TMEM255A: variants seen among roughly 807,000 people sequenced by gnomAD.
The protein encoded by TMEM255A is family with sequence similarity 70, member A.
Under a neutral mutation model 23.5 loss-of-function variants are expected in TMEM255A, and 14 were observed. That is an observed-to-expected ratio of 0.60 (90% CI 0.39 to 0.93). The LOEUF (loss-of-function observed/expected upper bound fraction) is 0.93. TMEM255A is among the 40% of genes least tolerant of loss of function. The probability of loss-of-function intolerance (pLI) is 0.00; values close to 1 mark genes in which losing one functional copy is unlikely to be tolerated. For synonymous variants in TMEM255A, 104 were observed against 100.3 expected, an observed-to-expected ratio of 1.04 and a Z score of -0.22; for missense variants, 233 against 261.7, an observed-to-expected ratio of 0.89 and a Z score of 0.76.
At chrX:120,297,452 C>T (rs1262333846) in intron 2 of TMEM255A, among the ~76,000 whole-genome samples, 1 of 107,889 alleles carries the variant, frequency 9.3e-6, no homozygotes, top group Admixed American at 1.0e-4. Context: ...GGAACTAATA[C>T]GTATTGAGTC....
At chrX:120,289,761 G>A (rs2057901468) in intron 4 of TMEM255A, among the ~76,000 whole-genome samples, 1 of 112,091 alleles carries the variant, frequency 8.9e-6, no homozygotes, top group African/African-American at 3.2e-5. Flanking sequence ...TAACCAAAAA[G>A]TGGAAACAAC....
At chrX:120,297,685 G>A (rs2147214365) in intron 2 of TMEM255A, among the ~76,000 whole-genome samples, 1 of 111,232 alleles carries the variant, frequency 9.0e-6, no homozygotes, top group South Asian at 3.8e-4. Flanking sequence ...CTTATAGCAA[G>A]TTAATGGTAG....
downstream of TMEM255A, chrX:120,258,121 T>C (rs1278121696): frequency 2.4e-5 from 3 of 123,125 alleles, no homozygotes; most frequent in Admixed American, 1.9e-4. Context: ...GCCGCATTTT[T>C]CCCCCATTGT....
intron 1 of TMEM255A, chrX:120,310,188 G>C (rs1353424930): frequency 5.4e-5 from 6 of 112,139 alleles, no homozygotes; most frequent in Non-Finnish European, 1.1e-4. Context: ...AATTCGATTT[G>C]ATTGAAGTGT....
chrX:120,262,086 T>C (rs1323673746), intron 8 of TMEM255A, among the ~76,000 whole-genome samples: 1 of 111,427 alleles, frequency 9.0e-6, no homozygotes, highest in African/African-American at 3.3e-5. Context: ...GGTCAGGAGT[T>C]TGAGACCAGC....
chrX:120,311,285 G>T lies in TMEM255A; in HGVS notation c.25C>A (p.Arg9=). Residue 9 remains arginine (R), a synonymous_variant, in exon 1 of 9, where the codon CGG becomes AGG. Coordinates refer to ENST00000371369, the MANE Select transcript of TMEM255A (RefSeq NM_001104544.3). The part of the protein sequence containing the change: MHQSLTQQ[R]SSDMSLPDSM... Reference sequence around the variant, plus strand: ...TCGGGCAGGGACATGTCGCTGGACCGCTGCTGAGTCAGGGACTGATGCATG... The same window carrying T: ...TCGGGCAGGGACATGTCGCTGGACCTCTGCTGAGTCAGGGACTGATGCATG... 1.7e-6 allele frequency: 2 copies of T among 1,184,622 alleles called. No individual in the cohort carries two copies. Among genetic ancestry groups the T allele is most frequent in the Non-Finnish European group, 2.3e-6 (2 of 881,275 alleles).
At chrX:120,255,288 C>T (rs79151935), downstream of TMEM255A, 276 of 1,209,785 alleles carry the variant, frequency 2.3e-4, 1 homozygote, top group Middle Eastern at 7.1e-3. Context: ...TGGAAAAGAA[C>T]CTCCAGTAGG....
intron 2 of TMEM255A, among the ~76,000 whole-genome samples, chrX:120,295,125 A>C (rs1556023792): frequency 2.7e-5 from 3 of 112,235 alleles, no homozygotes; most frequent in African/African-American, 9.7e-5. Flanking sequence ...TCTTAGATGA[A>C]AATGATCACT....
intron 6 of TMEM255A, among the ~76,000 whole-genome samples, chrX:120,282,010 C>A (rs781937925): frequency 8.9e-6 from 1 of 112,078 alleles, no homozygotes; most frequent in South Asian, 3.7e-4. Flanking sequence ...GTTTTTGTTC[C>A]CACTTTTTTT....
At chrX:120,253,798 G>T, downstream of TMEM255A, 1 of 1,211,451 alleles carries the variant, frequency 8.3e-7, no homozygotes. Flanking sequence ...AGCATCTCAG[G>T]TACAGCGCAG....
At chrX:120,304,288 C>A in intron 2 of TMEM255A, 61 bp downstream of exon 2, 1 of 1,111,999 alleles carries the variant, frequency 9.0e-7, no homozygotes, top group South Asian at 2.0e-5. Context: ...ACTATCAGAG[C>A]AGAGCCAGAA....
Position 120,291,343 on chromosome X carries a change from G to C in TMEM255A, c.265-3C>G. On this transcript the variant is annotated splice_polypyrimidine_tract_variant and splice_region_variant and intron_variant, in intron 3 of 8. Coordinates refer to ENST00000371369, the MANE Select transcript of TMEM255A (RefSeq NM_001104544.3). ...ATAAACACGATAGAAGCCACCAGCT[G>C]TAGGGGGGAATAAAACAAAAGCGTC... 2 of 1,201,329 alleles carry C rather than the reference G, an allele frequency of 1.7e-6. No individual in the cohort carries two copies. The highest frequency in any genetic ancestry group is 1.7e-5 in the African/African-American group (1 of 57,411).
Position 120,311,413 on chromosome X carries a change from T to C in TMEM255A, c.-104A>G. ...ACTCCGCGGTTGCCTCTCTCGGTCC[T>C]TCCGAGAGCTGAGAGACACTGCCTC... On this transcript the variant is annotated 5_prime_UTR_variant, in exon 1 of 9. Coordinates refer to ENST00000371369, the MANE Select transcript of TMEM255A (RefSeq NM_001104544.3). The C allele has an allele frequency of 1.5e-6, 1 of 656,427 alleles. No homozygotes were observed. The highest frequency in any genetic ancestry group is 2.2e-5 in the African/African-American group (1 of 46,237). The allele number at this position is 656,427 out of a possible 1,213,427, so 54.1% of individuals were successfully genotyped here.
rs1556016361 is a variant in TMEM255A, at chrX:120,260,334, A to T, written c.*536T>A. On this transcript the variant is annotated 3_prime_UTR_variant, in exon 9 of 9. Coordinates refer to ENST00000371369, the MANE Select transcript of TMEM255A (RefSeq NM_001104544.3). The stretch of plus-strand genomic sequence containing the variant: ...CACAGAGAAGGAAGGAGTAAGAGAT[A>T]CGGGCAGTCTTTTTCAACATCCAGA... 3.5e-6 allele frequency: 1 copy of T among 283,157 alleles called. No homozygotes were observed. The highest frequency in any genetic ancestry group is 4.8e-6 in the Non-Finnish European group (1 of 208,999). 23.3% of individuals were successfully genotyped at this position (283,157 alleles called of 1,213,427 possible).
intron 2 of TMEM255A, among the ~76,000 whole-genome samples, chrX:120,302,993 A>G: frequency 9.0e-6 from 1 of 111,709 alleles, no homozygotes; most frequent in Non-Finnish European, 1.9e-5. Flanking sequence ...GTACTAAAAT[A>G]TTTCTTAACT....
downstream of TMEM255A, chrX:120,257,314 ATTTGT>A (rs1306799058): frequency 8.2e-6 from 1 of 122,317 alleles, no homozygotes; most frequent in East Asian, 2.8e-4. Context: ...CTCAGTGAAA[ATTTGT>A]TTTGAGTTTC....
At position 120,260,588 on chromosome X, in the gene TMEM255A, G is replaced by A; in HGVS notation, c.*282C>T. 3.7e-6 allele frequency: 1 copy of A among 269,615 alleles called. No individual in the cohort carries two copies. Among genetic ancestry groups the A allele is most frequent in the Non-Finnish European group, 6.4e-6 (1 of 155,976 alleles). The allele number at this position is 269,615 out of a possible 1,213,427, so 22.2% of individuals were successfully genotyped here. A position where few individuals can be genotyped will look rare whatever the true frequency, so the allele number is the denominator to read the frequency against. ...CAACCACACTTCTGCTGAATACAGA[G>A]GTGGAGCATAGGGTAATGCAAGTCC... On this transcript the variant is annotated 3_prime_UTR_variant, in exon 9 of 9. Coordinates refer to ENST00000371369, the MANE Select transcript of TMEM255A (RefSeq NM_001104544.3).
rs2057934024 is a variant in TMEM255A, at chrX:120,293,856, T to G, written c.264+133A>C. ...CACAGTAAAACACATTCCCTAGAGGTTTAGGAGAAACGGCAAAGTAGCAGT... is the reference window on the plus strand; with the variant it reads ...CACAGTAAAACACATTCCCTAGAGGGTTAGGAGAAACGGCAAAGTAGCAGT... On this transcript the variant is annotated intron_variant, in intron 3 of 8. Coordinates refer to ENST00000371369, the MANE Select transcript of TMEM255A (RefSeq NM_001104544.3). 40 of 436,831 alleles carry G rather than the reference T, an allele frequency of 9.2e-5. No homozygotes were observed. In the South Asian group the frequency reaches 1.2e-3, roughly 13 times the overall value. The allele number at this position is 436,831 out of a possible 1,213,427, so 36.0% of individuals were successfully genotyped here. A position where few individuals can be genotyped will look rare whatever the true frequency, so the allele number is the denominator to read the frequency against.
intron 8 of TMEM255A, among the ~76,000 whole-genome samples, chrX:120,264,374 G>T (rs189313691): frequency 1.7e-3 from 191 of 110,860 alleles, no homozygotes; most frequent in Non-Finnish European, 2.8e-3. Context: ...TTCCTGAGAA[G>T]CAAGGACACC....
Sources: allele counts gnomAD v4.1 joint callset (sites outside exome capture counted in the v4.1 genomes callset), GRCh38; gene constraint gnomAD v4.1.1; transcripts MANE v1.5; gene names NCBI Gene and HGNC (gene_info 2026-07-23, HGNC 2026-07-21).